The following DPF3 variants were observed in gnomAD, a reference collection of about 807,000 sequenced individuals.
The protein encoded by DPF3 is zinc finger protein DPF3.
Under a neutral mutation model 56.8 loss-of-function variants are expected in DPF3, and 18 were observed. The observed-to-expected ratio is 0.32, with a 90% CI of 0.22 to 0.47. DPF3 has a LOEUF of 0.47. Ranked by LOEUF, DPF3 falls within the 20% of genes least tolerant of loss-of-function variation. The pLI, the probability that DPF3 is intolerant of heterozygous loss-of-function variation, is 1.00. For missense variants in DPF3, 403 were observed against 488.8 expected (o/e 0.82, Z 1.65); for synonymous variants, 188 against 180.2 (o/e 1.04, Z -0.35).
At position 72,861,723 on chromosome 14, in the gene DPF3, G is replaced by GAGAAAGAAAGAAAGAGAA. The variant is rs1238353728; in HGVS notation, c.32+32316_32+32333dup. Among the ~76,000 whole-genome samples, 25 of 71,818 alleles carry GAGAAAGAAAGAAAGAGAA rather than the reference G, an allele frequency of 3.5e-4. 1 individual carries two copies. Among genetic ancestry groups the GAGAAAGAAAGAAAGAGAA allele is most frequent in the South Asian group, 1.9e-3 (4 of 2,146 alleles). 47.1% of individuals were successfully genotyped at this position (71,818 alleles called of 152,430 possible). A position where few individuals can be genotyped will look rare whatever the true frequency, so the allele number is the denominator to read the frequency against. ...AAGAGAGAGAGAAAGAAGAAAGAGA[G>GAGAAAGAAAGAAAGAGAA]AGAAAGAAAGAAAGAGAAAGAAAGA... On this transcript the variant is annotated intron_variant, in intron 1 of 10. Coordinates refer to ENST00000556509, the MANE Select transcript of DPF3 (RefSeq NM_001280542.3).
At chr14:72,673,562 TGAAG>T in intron 8 of DPF3, among the ~76,000 whole-genome samples, 1 of 152,328 alleles carries the variant, frequency 6.6e-6, no homozygotes. Flanking sequence ...ATTTTAAGAA[TGAAG>T]GAACAAGACC....
At chr14:72,859,301 C>T (rs1885291400) in intron 1 of DPF3, among the ~76,000 whole-genome samples, 1 of 152,038 alleles carries the variant, frequency 6.6e-6, no homozygotes, top group Non-Finnish European at 1.5e-5. Flanking sequence ...CCATACTATA[C>T]AGTAAAAAAG....
intron 3 of DPF3, among the ~76,000 whole-genome samples, chr14:72,733,842 G>A (rs1442171804): frequency 6.6e-6 from 1 of 152,206 alleles, no homozygotes; most frequent in South Asian, 2.1e-4. Context: ...CCATGAGGAA[G>A]CGGCAAGCGG....
chr14:72,786,976 G>A (rs976484046), intron 1 of DPF3, among the ~76,000 whole-genome samples: 9 of 152,242 alleles, frequency 5.9e-5, no homozygotes, highest in Non-Finnish European at 1.2e-4. Context: ...TTGAGTTGCA[G>A]GCTGCTGCTG....
chr14:72,857,512 AAAT>A (rs2140092295), intron 1 of DPF3, among the ~76,000 whole-genome samples: 1 of 152,306 alleles, frequency 6.6e-6, no homozygotes, highest in Admixed American at 6.5e-5. Context: ...CTATTATTAC[AAAT>A]AATAATAACT....
chr14:72,702,386 C>G (rs1888208563), intron 6 of DPF3, among the ~76,000 whole-genome samples: 1 of 152,082 alleles, frequency 6.6e-6, no homozygotes, highest in African/African-American at 2.4e-5. Context: ...CTCTGGGAAC[C>G]CCATGTCTCC....
chr14:72,611,518 C>G lies in DPF3; in HGVS notation c.*7779G>C, dbSNP rs533793531. 6.6e-6 allele frequency among the ~76,000 whole-genome samples: 1 copy of G among 152,154 alleles called. No homozygotes were observed. Among genetic ancestry groups the G allele is most frequent in the East Asian group, 1.9e-4 (1 of 5,172 alleles). On this transcript the variant is annotated 3_prime_UTR_variant, in exon 11 of 11. Transcript: ENST00000556509. ...CAATCTGTACTTGAAGCCCCCACCC[C>G]CCCAGTCCCGCTCTCTGCTTTCTCT...
intron 2 of DPF3, among the ~76,000 whole-genome samples, chr14:72,767,897 A>G (rs1468697905): frequency 6.6e-6 from 1 of 152,150 alleles, no homozygotes; most frequent in Non-Finnish European, 1.5e-5. Context: ...AAAAAACTTG[A>G]AAACAATGAG....
chr14:72,779,418 T>C (rs988093767), intron 1 of DPF3, among the ~76,000 whole-genome samples: 1 of 152,240 alleles, frequency 6.6e-6, no homozygotes, highest in Non-Finnish European at 1.5e-5. Context: ...ACTCAGTGTT[T>C]AGTCTTTCAA....
At chr14:72,661,042 T>C in intron 8 of DPF3, 1 of 985,410 alleles carries the variant, frequency 1.0e-6, no homozygotes, top group Non-Finnish European at 1.2e-6. Flanking sequence ...ACAGAGATGC[T>C]ATAGGAGCAT....
At chr14:72,870,636 T>A (rs966565820) in intron 1 of DPF3, among the ~76,000 whole-genome samples, 1 of 152,262 alleles carries the variant, frequency 6.6e-6, no homozygotes, top group African/African-American at 2.4e-5. Context: ...GCCATAGATT[T>A]CTAGAACTTC....
intron 6 of DPF3, among the ~76,000 whole-genome samples, chr14:72,700,586 A>G (rs1888115474): frequency 6.6e-6 from 1 of 152,198 alleles, no homozygotes; most frequent in African/African-American, 2.4e-5. Context: ...TTAGCTGCTC[A>G]GTAGTCATCA....
intron 1 of DPF3, among the ~76,000 whole-genome samples, chr14:72,826,893 T>C (rs907016067): frequency 1.3e-5 from 2 of 151,904 alleles, no homozygotes; most frequent in African/African-American, 2.4e-5. Flanking sequence ...ATACAAAAAA[T>C]TAGCTGGGCA....
chr14:72,745,315 T>G (rs1890282640), intron 3 of DPF3, among the ~76,000 whole-genome samples: 1 of 152,160 alleles, frequency 6.6e-6, no homozygotes, highest in Non-Finnish European at 1.5e-5. Flanking sequence ...CTTTAACATC[T>G]CTCCATATTT....
At chr14:72,637,690 T>C (rs1599321567) in intron 8 of DPF3, among the ~76,000 whole-genome samples, 1 of 152,146 alleles carries the variant, frequency 6.6e-6, no homozygotes, top group South Asian at 2.1e-4. Context: ...AGCTGTAGCT[T>C]TGTCTATGCC....
In DPF3 at chr14:72,612,682, A is replaced by G; in HGVS notation, c.*6615T>C. On this transcript the variant is annotated 3_prime_UTR_variant, in exon 11 of 11. Coordinates refer to ENST00000556509, the MANE Select transcript of DPF3 (RefSeq NM_001280542.3). ...CAAGTCCGTATAAACCACAAACCCCATTCTAGCCATAAAAGCTTTGCATCC... is the reference window on the plus strand; with the variant it reads ...CAAGTCCGTATAAACCACAAACCCCGTTCTAGCCATAAAAGCTTTGCATCC... 2.0e-6 allele frequency: 1 copy of G among 493,798 alleles called. No individual in the cohort carries two copies. The highest frequency in any genetic ancestry group is 2.0e-5 in the Admixed American group (1 of 48,814). The allele number at this position is 493,798 out of a possible 1,614,324, so 30.6% of individuals were successfully genotyped here.
rs1887850196 is a variant in DPF3, at chr14:72,695,129, T to C, written c.605-1916A>G. 2.0e-5 allele frequency among the ~76,000 whole-genome samples: 3 copies of C among 152,364 alleles called. No individual in the cohort carries two copies. The South Asian group carries it at 6.2e-4, about 32-fold the overall frequency. ...TTATGGTGATGTTGATTTCTAAAAA[T>C]TAACTGAAGAGTTTTGCTGCATGAA... is the stretch of plus-strand genomic sequence containing the variant. On this transcript the variant is annotated intron_variant, in intron 6 of 10. Coordinates refer to ENST00000556509, the MANE Select transcript of DPF3 (RefSeq NM_001280542.3).
chr14:72,811,343 G>A (rs1344993350), intron 1 of DPF3, among the ~76,000 whole-genome samples: 2 of 152,220 alleles, frequency 1.3e-5, no homozygotes, highest in Non-Finnish European at 2.9e-5. Flanking sequence ...CATGAAGGAA[G>A]AGATTGGGGT....
intron 4 of DPF3, among the ~76,000 whole-genome samples, chr14:72,724,274 C>T (rs768143006): frequency 6.6e-6 from 1 of 150,986 alleles, no homozygotes. Flanking sequence ...ATTTAGTACC[C>T]GACTTGTCAT....
Sources: gnomAD v4.1 joint callset for allele counts (sites outside exome capture counted in the v4.1 genomes callset) on GRCh38, gnomAD v4.1.1 for gene constraint, MANE v1.5 for transcripts, NCBI Gene and HGNC (gene_info 2026-07-23, HGNC 2026-07-21) for gene names.